TMCO5A: variants seen among roughly 807,000 people sequenced by gnomAD.
TMCO5A encodes the protein transmembrane and coiled-coil domain-containing protein 5A.
TMCO5A carries 34 observed loss-of-function variants against 42.3 expected under a neutral mutation model. The observed-to-expected ratio is 0.80, with a 90% CI of 0.61 to 1.07. The LOEUF is 1.07. TMCO5A is among the 50% of genes least tolerant of loss of function. TMCO5A has a pLI of 0.00. For synonymous variants in TMCO5A, 131 were observed against 115.6 expected, an observed-to-expected ratio of 1.13 and a Z score of -0.86; for missense variants, 357 against 327.9, an observed-to-expected ratio of 1.09 and a Z score of -0.69.
At chr15:37,977,837 T>G in the TMCO5A span, among the ~76,000 whole-genome samples, 5 of 152,314 alleles carry the variant, frequency 3.3e-5, no homozygotes, top group Non-Finnish European at 4.4e-5. Context: ...CTTACCAATC[T>G]GGGAGACTGG....
chr15:37,937,033 T>C (rs1389393217), intron 4 of TMCO5A, 63 bp downstream of exon 4: 1 of 1,595,966 alleles, frequency 6.3e-7, no homozygotes, highest in East Asian at 2.3e-5. Flanking sequence ...CCTTCATCAA[T>C]TATCAGATAA....
intron 10 of TMCO5A, 99 bp downstream of exon 10, chr15:37,943,497 C>A: frequency 8.4e-7 from 1 of 1,195,468 alleles, no homozygotes. Context: ...CCAATCTTGC[C>A]ATGCGCATTT....
At chr15:37,956,227 G>C (rs572419201), downstream of TMCO5A, among the ~76,000 whole-genome samples, 2 of 152,036 alleles carry the variant, frequency 1.3e-5, no homozygotes, top group African/African-American at 2.4e-5. Flanking sequence ...CTAGCAGAAG[G>C]CAAGAAATAA....
chr15:37,979,551 C>T, the TMCO5A span, among the ~76,000 whole-genome samples: 1 of 152,184 alleles, frequency 6.6e-6, no homozygotes, highest in African/African-American at 2.4e-5. Context: ...CCTGCCTGAG[C>T]ACCCAAGCGG....
At chr15:38,029,979 C>T in the TMCO5A span, among the ~76,000 whole-genome samples, 1 of 152,140 alleles carries the variant, frequency 6.6e-6, no homozygotes. Flanking sequence ...TATAAAACCT[C>T]ATAAGATTCA....
At chr15:38,028,690 C>G in the TMCO5A span, among the ~76,000 whole-genome samples, 3 of 152,080 alleles carry the variant, frequency 2.0e-5, no homozygotes, top group Non-Finnish European at 4.4e-5. Context: ...AGGGCTTCCT[C>G]CAAAAGGACA....
chr15:37,970,225 C>T (rs1890648118), downstream of TMCO5A, among the ~76,000 whole-genome samples: 1 of 152,202 alleles, frequency 6.6e-6, no homozygotes, highest in Non-Finnish European at 1.5e-5. Context: ...TACAGTTCTG[C>T]ATGGCTAGGG....
At chr15:37,982,005 C>T in the TMCO5A span, among the ~76,000 whole-genome samples, 1 of 152,176 alleles carries the variant, frequency 6.6e-6, no homozygotes, top group Non-Finnish European at 1.5e-5. Context: ...TATTCCATGA[C>T]ACTTGCAAGA....
At chr15:37,941,060 C>T in intron 6 of TMCO5A, 89 bp from the exon 7 acceptor site, 1 of 1,283,054 alleles carries the variant, frequency 7.8e-7, no homozygotes, top group South Asian at 1.2e-5. Context: ...TGAGGCTCCT[C>T]ACAGCTCGTG....
the TMCO5A span, among the ~76,000 whole-genome samples, chr15:37,980,127 CAG>C: frequency 6.6e-6 from 1 of 152,164 alleles, no homozygotes; most frequent in African/African-American, 2.4e-5. Flanking sequence ...GTGCAGAGGC[CAG>C]AGAGTTCAGG....
At chr15:37,976,473 T>C in the TMCO5A span, among the ~76,000 whole-genome samples, 3 of 152,214 alleles carry the variant, frequency 2.0e-5, no homozygotes, top group Admixed American at 2.0e-4. Flanking sequence ...TTAGGGAAAT[T>C]TTCGTGGATG....
At chr15:37,954,304 A>C (rs1890231660), downstream of TMCO5A, among the ~76,000 whole-genome samples, 1 of 152,174 alleles carries the variant, frequency 6.6e-6, no homozygotes, top group Non-Finnish European at 1.5e-5. Context: ...CAAATGCAGC[A>C]AGAGAAAAGA....
the TMCO5A span, among the ~76,000 whole-genome samples, chr15:37,993,784 C>T: frequency 1.3e-5 from 2 of 152,104 alleles, no homozygotes; most frequent in African/African-American, 2.4e-5. Flanking sequence ...AAGGACAGGG[C>T]TTTGAGGCTT....
At chr15:37,951,013 GT>G (rs766604076) in intron 11 of TMCO5A, 22 bp from the exon 12 acceptor site, 1 of 1,607,142 alleles carries the variant, frequency 6.2e-7, no homozygotes, top group Non-Finnish European at 8.5e-7. Context: ...CTGGTTAACA[GT>G]TTCATGGCAT....
At chr15:37,958,129 T>C (rs1470041609) in intron 11 of TMCO5A, among the ~76,000 whole-genome samples, 1 of 152,056 alleles carries the variant, frequency 6.6e-6, no homozygotes, top group Non-Finnish European at 1.5e-5. Context: ...CCTAAAACCA[T>C]AAAAACCCTA....
the TMCO5A span, among the ~76,000 whole-genome samples, chr15:37,979,514 C>T: frequency 6.6e-6 from 1 of 152,174 alleles, no homozygotes; most frequent in Non-Finnish European, 1.5e-5. Context: ...TCATAAAAAA[C>T]TACTTTCACA....
intron 11 of TMCO5A, among the ~76,000 whole-genome samples, chr15:37,948,950 T>A (rs1890061504): frequency 6.6e-6 from 1 of 151,936 alleles, no homozygotes; most frequent in South Asian, 2.1e-4. Flanking sequence ...GTCACCAAGA[T>A]CAACCATAGC....
intron 3 of TMCO5A, 75 bp from the exon 4 acceptor site, chr15:37,936,772 T>C (rs10520067): frequency 0.083 from 132,194 of 1,584,762 alleles, 6,447 homozygotes; most frequent in Admixed American, 0.19. Context: ...AGTTCCCTTA[T>C]ATCTGAAATC....
At chr15:37,972,646 A>C (rs2140833997), downstream of TMCO5A, among the ~76,000 whole-genome samples, 1 of 151,782 alleles carries the variant, frequency 6.6e-6, no homozygotes, top group Middle Eastern at 3.4e-3. Flanking sequence ...TTTTCTTGTA[A>C]ATTTGTTTAA....
Sources: gnomAD v4.1 joint callset for allele counts (sites outside exome capture counted in the v4.1 genomes callset) on GRCh38, gnomAD v4.1.1 for gene constraint, MANE v1.5 for transcripts, NCBI Gene and HGNC (gene_info 2026-07-23, HGNC 2026-07-21) for gene names.